The following LIMK2 variants were observed in gnomAD, a reference collection of about 807,000 sequenced individuals.
LIMK2 encodes LIM domain kinase 2.
LIMK2 carries 35 observed loss-of-function variants against 75.7 expected under a neutral mutation model. The observed-to-expected ratio is 0.46, with a 90% CI of 0.35 to 0.61. The LOEUF is 0.61. Ranked by LOEUF, LIMK2 falls within the 20% of genes least tolerant of loss-of-function variation. The pLI is 0.00. For synonymous variants in LIMK2, 301 were observed against 319.2 expected (o/e 0.94, Z 0.61); for missense variants, 623 against 831.0 (o/e 0.75, Z 3.08).
Position 31,279,249 on chromosome 22 carries a change from G to C in LIMK2, c.*808G>C, listed in dbSNP as rs2049062460. ...GAGGCCCTGCCCTCTAGAAAGCTCA[G>C]ATCTTGGCTTCTGTTACTCATACTC... On this transcript the variant is annotated 3_prime_UTR_variant, in exon 16 of 16. Transcript: ENST00000331728. The C allele has an allele frequency of 6.6e-6, 1 of 152,286 alleles. No individual in the cohort carries two copies. The highest frequency in any genetic ancestry group is 1.5e-5 in the Non-Finnish European group (1 of 68,080). 9.4% of individuals were successfully genotyped at this position (152,286 alleles called of 1,614,324 possible).
At chr22:31,237,873 G>A (rs184703918) in intron 2 of LIMK2, among the ~76,000 whole-genome samples, 3 of 151,914 alleles carry the variant, frequency 2.0e-5, no homozygotes, top group African/African-American at 4.8e-5. Context: ...GGGAGGCCGA[G>A]GTGGGCAGAT....
In LIMK2 at chr22:31,278,516, A is replaced by C; in HGVS notation, c.*75A>C. 1 of 1,462,520 alleles carries C rather than the reference A, an allele frequency of 6.8e-7. No homozygotes were observed. The highest frequency in any genetic ancestry group is 1.4e-5 in the South Asian group (1 of 72,528). The allele number at this position is 1,462,520 out of a possible 1,614,324, so 90.6% of individuals were successfully genotyped here. A position where few individuals can be genotyped will look rare whatever the true frequency, so the allele number is the denominator to read the frequency against. On this transcript the variant is annotated 3_prime_UTR_variant, in exon 16 of 16. Coordinates refer to ENST00000331728, the MANE Select transcript of LIMK2 (RefSeq NM_005569.4). ...TCTGTGCCCCATTCCTGCTGTGAGC[A>C]GGGCCGTCCGGGCTTCCTGTGGATT...
At position 31,262,279 on chromosome 22, in the gene LIMK2, T is replaced by G. The variant is rs761645334; in HGVS notation, c.657+40T>G. On this transcript the variant is annotated intron_variant, in intron 6 of 15. Coordinates refer to ENST00000331728, the MANE Select transcript of LIMK2 (RefSeq NM_005569.4). The surrounding 1 kb of genome is among the most constrained non-coding windows in gnomAD (Gnocchi z 5.0). ...TAATCTGTCTTGTGAGGGTGGGACA[T>G]GGAACAGATCCTCTGAGAAATCAGG... 2 of 1,457,486 alleles carry G rather than the reference T, an allele frequency of 1.4e-6. No individual in the cohort carries two copies. The highest frequency in any genetic ancestry group is 3.3e-5 in the Admixed American group (2 of 59,828). 90.3% of individuals were successfully genotyped at this position (1,457,486 alleles called of 1,614,324 possible).
intron 15 of LIMK2, chr22:31,275,512 A>G: frequency 3.5e-6 from 2 of 567,080 alleles, no homozygotes; most frequent in Non-Finnish European, 6.2e-6. Context: ...AGTAATCTGG[A>G]TAGGACACAG....
intron 1 of LIMK2, among the ~76,000 whole-genome samples, chr22:31,223,140 G>A (rs778764371): frequency 3.8e-4 from 58 of 152,132 alleles, no homozygotes; most frequent in Non-Finnish European, 7.8e-4. Context: ...TGAAGGACAG[G>A]GAAGGGCTAG....
intron 2 of LIMK2, among the ~76,000 whole-genome samples, chr22:31,235,185 A>G (rs1175699572): frequency 6.6e-6 from 1 of 152,132 alleles, no homozygotes; most frequent in Non-Finnish European, 1.5e-5. Context: ...TTGTTGGCAT[A>G]GGAGGGATAT....
At chr22:31,267,165 T>C (rs910582699) in intron 9 of LIMK2, 95 bp downstream of exon 9, 4 of 713,392 alleles carry the variant, frequency 5.6e-6, no homozygotes, top group Non-Finnish European at 4.8e-6. Flanking sequence ...CAGTTTGGAA[T>C]TACTGTCTTA....
intron 1 of LIMK2, among the ~76,000 whole-genome samples, chr22:31,213,500 T>C (rs1353436018): frequency 6.6e-6 from 1 of 152,190 alleles, no homozygotes; most frequent in Non-Finnish European, 1.5e-5. Flanking sequence ...TCATCTTGAA[T>C]GCAAGGACTG....
chr22:31,251,169 A>C (rs1276486502), intron 2 of LIMK2, among the ~76,000 whole-genome samples: 1 of 152,228 alleles, frequency 6.6e-6, no homozygotes, highest in Non-Finnish European at 1.5e-5. Context: ...GGAATTTACA[A>C]AAGAGGTAAA....
chr22:31,276,622 C>CGGCG, intron 15 of LIMK2, among the ~76,000 whole-genome samples: 2 of 146,386 alleles, frequency 1.4e-5, no homozygotes, highest in Middle Eastern at 3.5e-3. Context: ...CTGAGCCAGC[C>CGGCG]GGCGGGCGTC....
intron 9 of LIMK2, 145 bp downstream of exon 9, chr22:31,267,215 C>T (rs2048904792): frequency 3.5e-6 from 2 of 575,046 alleles, no homozygotes; most frequent in African/African-American, 3.8e-5. Flanking sequence ...ATATCCCACT[C>T]CCTCTAAATT....
intron 2 of LIMK2, among the ~76,000 whole-genome samples, chr22:31,253,294 CA>C (rs1568993689): frequency 6.6e-6 from 1 of 152,152 alleles, no homozygotes; most frequent in African/African-American, 2.4e-5. Flanking sequence ...TTGAAACTTC[CA>C]AAAATTGAAA....
intron 2 of LIMK2, among the ~76,000 whole-genome samples, chr22:31,251,184 G>A (rs1342621388): frequency 6.6e-6 from 1 of 152,164 alleles, no homozygotes; most frequent in Non-Finnish European, 1.5e-5. Flanking sequence ...GGTAAATTAG[G>A]GAGTGGCTTT....
chr22:31,265,597 C>T (rs1159385763), intron 7 of LIMK2, among the ~76,000 whole-genome samples: 1 of 152,022 alleles, frequency 6.6e-6, no homozygotes, highest in African/African-American at 2.4e-5. Context: ...CACTCTAAAC[C>T]AGTTAGTACT....
intron 1 of LIMK2, among the ~76,000 whole-genome samples, chr22:31,221,172 T>C (rs1191671170): frequency 6.6e-6 from 1 of 152,136 alleles, no homozygotes; most frequent in East Asian, 1.9e-4. Context: ...CCATTTGCTC[T>C]TTCAGTAACT....
At chr22:31,259,013 C>A in intron 3 of LIMK2, 108 bp from the exon 4 acceptor site, 1 of 655,766 alleles carries the variant, frequency 1.5e-6, no homozygotes, top group Non-Finnish European at 2.8e-6. Flanking sequence ...TGGATTTTGA[C>A]GGGGGCCTTG....
intron 2 of LIMK2, among the ~76,000 whole-genome samples, chr22:31,234,814 C>T (rs955627380): frequency 2.0e-5 from 3 of 152,128 alleles, no homozygotes; most frequent in South Asian, 2.1e-4. Context: ...CCTCCTGCTC[C>T]CTGCACTTCA....
intron 2 of LIMK2, among the ~76,000 whole-genome samples, chr22:31,243,943 G>A (rs540612112): frequency 6.6e-6 from 1 of 152,352 alleles, no homozygotes; most frequent in East Asian, 1.9e-4. Context: ...TCCTTCAAAG[G>A]TTCCTCCTGA....
At chr22:31,240,386 G>C (rs1449453051) in intron 2 of LIMK2, among the ~76,000 whole-genome samples, 1 of 151,666 alleles carries the variant, frequency 6.6e-6, no homozygotes, top group Non-Finnish European at 1.5e-5. Flanking sequence ...TTTAGTTCCA[G>C]AGATAGCACT....
Sources: gnomAD v4.1 joint callset for allele counts (sites outside exome capture counted in the v4.1 genomes callset) on GRCh38, gnomAD v4.1.1 for gene constraint, Gnocchi (gnomAD v3.1) non-coding constraint, MANE v1.5 for transcripts, NCBI Gene and HGNC (gene_info 2026-07-23, HGNC 2026-07-21) for gene names.